Variants in TOX observed in about 807,000 individuals in gnomAD.
The protein encoded by TOX is thymocyte selection associated high mobility group box.
In TOX, 11 loss-of-function variants were observed where a neutral mutation model predicts 53.7. The observed-to-expected ratio is 0.20, with a 90% confidence interval of 0.13 to 0.34. TOX has a LOEUF of 0.34. Ranked by LOEUF, TOX falls within the 10% of genes least tolerant of loss-of-function variation. The probability of loss-of-function intolerance (pLI) is 1.00; values close to 1 mark genes in which losing one functional copy is unlikely to be tolerated. For missense variants in TOX, 570 were observed against 664.6 expected (o/e 0.86, Z 1.56); for synonymous variants, 225 against 245.3 (o/e 0.92, Z 0.77).
At chr8:58,998,536 T>TAAACTTATATATAATAAATTTATATGTA (rs11272464) in intron 1 of TOX, among the ~76,000 whole-genome samples, 3 of 37,744 alleles carry the variant, frequency 7.9e-5, no homozygotes, top group African/African-American at 4.0e-4. Context: ...TATATATATA[T>TAAACTTATATATAATAAATTTATATGTA]ATAAATTTAT....
At chr8:58,808,690 T>C (rs1019760914) in intron 7 of TOX, among the ~76,000 whole-genome samples, 21 of 152,226 alleles carry the variant, frequency 1.4e-4, no homozygotes, top group Non-Finnish European at 2.6e-4. Context: ...AGGCAGCAGG[T>C]GGCTGAGTGT....
Position 58,962,946 on chromosome 8 carries a change from G to A in TOX, c.103-2938C>T, listed in dbSNP as rs373773070. Among the ~76,000 whole-genome samples, 21 of 152,288 alleles carry A rather than the reference G, an allele frequency of 1.4e-4. No individual in the cohort carries two copies. The South Asian group carries it at 3.7e-3, about 27-fold the overall frequency. On this transcript the variant is annotated intron_variant, in intron 1 of 8. Transcript: ENST00000361421. Reference sequence around the variant, plus strand: ...TGTGTCCATGAGGGTGTTTCTGAGCGAGAATAACATGTGAATTGACAGACT... The same window carrying A: ...TGTGTCCATGAGGGTGTTTCTGAGCAAGAATAACATGTGAATTGACAGACT...
At chr8:58,909,133 C>T (rs528011557) in intron 3 of TOX, among the ~76,000 whole-genome samples, 5 of 152,092 alleles carry the variant, frequency 3.3e-5, no homozygotes, top group African/African-American at 1.2e-4. Flanking sequence ...ATCTTTGGGC[C>T]CCACCCTGAA....
intron 1 of TOX, among the ~76,000 whole-genome samples, chr8:58,981,634 C>T (rs1170763543): frequency 6.6e-6 from 1 of 152,118 alleles, no homozygotes; most frequent in Non-Finnish European, 1.5e-5. Flanking sequence ...TCACCTCTTC[C>T]AAACATTTTT....
At chr8:59,070,588 G>A (rs1586001109) in intron 1 of TOX, among the ~76,000 whole-genome samples, 1 of 151,162 alleles carries the variant, frequency 6.6e-6, no homozygotes, top group Non-Finnish European at 1.5e-5. Context: ...AAAAGATGGT[G>A]GAAAGCAGGT....
chr8:59,033,529 T>C (rs910459990), intron 1 of TOX, among the ~76,000 whole-genome samples: 9 of 152,154 alleles, frequency 5.9e-5, no homozygotes, highest in Non-Finnish European at 1.3e-4. Context: ...AATGGTAAAT[T>C]TCATATTATG....
At chr8:59,096,945 T>A (rs922998344) in intron 1 of TOX, among the ~76,000 whole-genome samples, 2 of 152,200 alleles carry the variant, frequency 1.3e-5, no homozygotes, top group African/African-American at 4.8e-5. Context: ...AGTTTATTAA[T>A]GTGATGAATT....
At chr8:58,887,475 C>T (rs1427221456) in intron 3 of TOX, among the ~76,000 whole-genome samples, 2 of 151,756 alleles carry the variant, frequency 1.3e-5, no homozygotes, top group Non-Finnish European at 2.9e-5. Context: ...CATTTTCTTT[C>T]TATCTTTTCT....
At position 58,975,637 on chromosome 8, in the gene TOX, G is replaced by A. The variant is rs114333726; in HGVS notation, c.103-15629C>T. Among the ~76,000 whole-genome samples, 358 of 152,240 alleles carry A rather than the reference G, an allele frequency of 2.4e-3. 2 individuals carry two copies. The highest frequency in any genetic ancestry group is 8.2e-3 in the African/African-American group (342 of 41,544). On this transcript the variant is annotated intron_variant, in intron 1 of 8. Coordinates refer to ENST00000361421, the MANE Select transcript of TOX (RefSeq NM_014729.3). ...TACCTTAATTAAAACACATTTTATT[G>A]CTAAGAAATGCTAATAATCACCTGA...
chr8:58,918,865 T>A (rs953468354), intron 3 of TOX, among the ~76,000 whole-genome samples: 1 of 150,308 alleles, frequency 6.7e-6, no homozygotes, highest in African/African-American at 2.5e-5. Flanking sequence ...AGTCTCAGGA[T>A]ACAAAATCAA....
chr8:58,998,705 G>T (rs1292946136), intron 1 of TOX, among the ~76,000 whole-genome samples: 2 of 147,394 alleles, frequency 1.4e-5, no homozygotes, highest in African/African-American at 2.5e-5. Context: ...AGCCTAGAAG[G>T]TATATCTGGT....
chr8:59,023,119 T>A (rs925629156), intron 1 of TOX, among the ~76,000 whole-genome samples: 36 of 152,314 alleles, frequency 2.4e-4, no homozygotes, highest in African/African-American at 7.9e-4. Flanking sequence ...CAAACCTGCT[T>A]TGAGGACCAA....
At chr8:58,963,144 G>C (rs1812829689) in intron 1 of TOX, among the ~76,000 whole-genome samples, 1 of 152,128 alleles carries the variant, frequency 6.6e-6, no homozygotes, top group East Asian at 1.9e-4. Flanking sequence ...ATTGGCTCTT[G>C]TTGGACCTCA....
In TOX at chr8:58,851,188, C is replaced by T. The variant is rs1031839481; in HGVS notation, c.693+336G>A. Reference sequence around the variant, plus strand: ...TCTCTCTCTCTCTCTCTCTCTCTCACACACACACACACACACACACACACG... The same window carrying T: ...TCTCTCTCTCTCTCTCTCTCTCTCATACACACACACACACACACACACACG... On this transcript the variant is annotated intron_variant, in intron 4 of 8. Transcript: ENST00000361421. The surrounding 1 kb of genome is among the most constrained non-coding windows in gnomAD (Gnocchi z 4.4). Among the ~76,000 whole-genome samples the T allele has an allele frequency of 1.6e-5, 2 of 125,612 alleles. No individual in the cohort carries two copies. The highest frequency in any genetic ancestry group is 7.2e-5 in the African/African-American group (2 of 27,806). 82.4% of individuals were successfully genotyped at this position (125,612 alleles called of 152,430 possible).
At chr8:58,926,011 A>T (rs1812153462) in intron 3 of TOX, among the ~76,000 whole-genome samples, 1 of 151,966 alleles carries the variant, frequency 6.6e-6, no homozygotes, top group Admixed American at 6.5e-5. Context: ...CCCGGACTAA[A>T]CTCTCTTCTG....
At chr8:58,815,745 C>A in intron 6 of TOX, 21 bp from the exon 7 acceptor site, 1 of 1,584,238 alleles carries the variant, frequency 6.3e-7, no homozygotes, top group Admixed American at 1.7e-5. Flanking sequence ...AATAAATGAG[C>A]AGAGTTGGGA....
At chr8:59,021,496 ATATG>A (rs1302099472) in intron 1 of TOX, among the ~76,000 whole-genome samples, 62 of 129,116 alleles carry the variant, frequency 4.8e-4, no homozygotes, top group Non-Finnish European at 9.1e-4. Flanking sequence ...ATATATATAT[ATATG>A]CACATATATA....
At chr8:59,071,985 T>G (rs1376317025) in intron 1 of TOX, among the ~76,000 whole-genome samples, 1 of 152,214 alleles carries the variant, frequency 6.6e-6, no homozygotes, top group African/African-American at 2.4e-5. Context: ...ATTAAAAATA[T>G]AAAGTTAAAA....
At chr8:58,827,962 C>A (rs1585847142) in intron 5 of TOX, among the ~76,000 whole-genome samples, 1 of 152,154 alleles carries the variant, frequency 6.6e-6, no homozygotes, top group Admixed American at 6.6e-5. Context: ...TTTTAAATTT[C>A]CCACATTTTG....
Sources: allele counts gnomAD v4.1 joint callset (sites outside exome capture counted in the v4.1 genomes callset), GRCh38; gene constraint gnomAD v4.1.1; non-coding constraint Gnocchi (gnomAD v3.1); transcripts MANE v1.5; gene names NCBI Gene and HGNC (gene_info 2026-07-23, HGNC 2026-07-21).